Variants in SPRY3 observed in about 807,000 individuals in gnomAD.
SPRY3 encodes the protein protein sprouty homolog 3.
A neutral mutation model predicts 20.2 loss-of-function variants in SPRY3; 15 were observed. The observed-to-expected ratio is 0.74, with a 90% CI of 0.50 to 1.14. The LOEUF (loss-of-function observed/expected upper bound fraction) is 1.14, where lower values mean the gene tolerates loss of function less well. Among genes scored for constraint, SPRY3 ranks in the 50% most tolerant of loss-of-function variants. The pLI, the probability that SPRY3 is intolerant of heterozygous loss-of-function variation, is 0.00. For missense variants in SPRY3, 364 were observed against 363.9 expected, an observed-to-expected ratio of 1.00 and a Z score of 0.00; for synonymous variants, 143 against 136.5, an observed-to-expected ratio of 1.05 and a Z score of -0.33.
At chrX:155,778,794 A>G (rs2091445680), downstream of SPRY3, 1 of 167,070 alleles carries the variant, frequency 6.0e-6, no homozygotes, top group Admixed American at 6.5e-5. Flanking sequence ...AGAGAGGGAA[A>G]ATAACCTGTC....
chrX:155,756,858 GAA>G (rs954285829), intron 2 of SPRY3, among the ~76,000 whole-genome samples: 1 of 150,182 alleles, frequency 6.7e-6, no homozygotes, highest in Non-Finnish European at 1.5e-5. Context: ...CACTGAATGA[GAA>G]AAAAAAACTA....
intron 3 of SPRY3, among the ~76,000 whole-genome samples, chrX:155,773,307 GATAT>G (rs1556238552): frequency 2.4e-3 from 295 of 120,712 alleles, no homozygotes; most frequent in African/African-American, 4.6e-3. Flanking sequence ...ATTTTGATTG[GATAT>G]ATATATATAT....
chrX:155,760,586 C>A (rs1475495769), intron 2 of SPRY3, among the ~76,000 whole-genome samples: 1 of 152,010 alleles, frequency 6.6e-6, no homozygotes, highest in Non-Finnish European at 1.5e-5. Flanking sequence ...CACCAGGGAC[C>A]GGTTTTGTGG....
At chrX:155,725,855 T>G (rs1257912680) in intron 2 of SPRY3, among the ~76,000 whole-genome samples, 4 of 152,206 alleles carry the variant, frequency 2.6e-5, no homozygotes, top group Admixed American at 2.6e-4. Context: ...TCTTGCCTTC[T>G]GCTAGCATTT....
chrX:155,759,070 C>CTTT (rs769114368), intron 2 of SPRY3, among the ~76,000 whole-genome samples: 3 of 142,640 alleles, frequency 2.1e-5, no homozygotes, highest in African/African-American at 7.7e-5. Flanking sequence ...CTTATTAATT[C>CTTT]TTTTTTTTTT....
At chrX:155,705,246 T>C (rs2090942294) in intron 2 of SPRY3, among the ~76,000 whole-genome samples, 3 of 151,424 alleles carry the variant, frequency 2.0e-5, no homozygotes, top group South Asian at 2.1e-4. Flanking sequence ...GAGGGAGCAA[T>C]TGGGAATGTA....
At position 155,649,683 on chromosome X, in the gene SPRY3, G is replaced by A. The variant is rs1196326346; in HGVS notation, c.-440-7184G>A. On this transcript the variant is annotated intron_variant, in intron 1 of 3. Transcript: ENST00000675360. Reference sequence around the variant, plus strand: ...ATATCATACTAAATGGGCAAGAGCTGGAAGCATTCCCTTTGAAAATCGGCA... The same window carrying A: ...ATATCATACTAAATGGGCAAGAGCTAGAAGCATTCCCTTTGAAAATCGGCA... 4.5e-5 allele frequency among the ~76,000 whole-genome samples: 5 copies of A among 111,228 alleles called. No homozygotes were observed. In the Admixed American group the frequency reaches 4.8e-4, roughly 11 times the overall value.
At chrX:155,688,354 A>G (rs1391640563) in intron 2 of SPRY3, among the ~76,000 whole-genome samples, 1 of 110,424 alleles carries the variant, frequency 9.1e-6, no homozygotes, top group Non-Finnish European at 1.9e-5. Flanking sequence ...ATATGCATGC[A>G]TATGTCTTTA....
intron 2 of SPRY3, among the ~76,000 whole-genome samples, chrX:155,745,953 C>G (rs2091223786): frequency 6.6e-6 from 1 of 151,984 alleles, no homozygotes; most frequent in Non-Finnish European, 1.5e-5. Flanking sequence ...ACACTTGGCT[C>G]AAGTCCAAAC....
chrX:155,723,114 A>T (rs1260020847), intron 2 of SPRY3, among the ~76,000 whole-genome samples: 1 of 152,142 alleles, frequency 6.6e-6, no homozygotes, highest in Non-Finnish European at 1.5e-5. Flanking sequence ...ACATGAACTC[A>T]TCCTTTTTTA....
intron 1 of SPRY3, among the ~76,000 whole-genome samples, chrX:155,645,451 G>C (rs930814984): frequency 8.9e-6 from 1 of 111,972 alleles, no homozygotes; most frequent in East Asian, 2.8e-4. Context: ...GAGCACTTCA[G>C]CCCATGCTGG....
At chrX:155,700,025 TA>T (rs1277979385) in intron 2 of SPRY3, among the ~76,000 whole-genome samples, 1 of 103,962 alleles carries the variant, frequency 9.6e-6, no homozygotes, top group Non-Finnish European at 2.0e-5. Flanking sequence ...CCAAAGTATA[TA>T]AAAAACTTCT....
At chrX:155,618,151 C>T (rs1441108724) in intron 1 of SPRY3, among the ~76,000 whole-genome samples, 1 of 112,143 alleles carries the variant, frequency 8.9e-6, no homozygotes, top group Non-Finnish European at 1.9e-5. Context: ...CAAGCTTTCT[C>T]ATGCTGCCCC....
At chrX:155,663,231 G>T (rs781809241) in intron 2 of SPRY3, among the ~76,000 whole-genome samples, 1 of 111,763 alleles carries the variant, frequency 8.9e-6, no homozygotes, top group South Asian at 3.7e-4. Flanking sequence ...CCTTCCTAAG[G>T]GATTTAATAG....
intron 2 of SPRY3, among the ~76,000 whole-genome samples, chrX:155,736,416 T>C (rs1245681213): frequency 1.3e-5 from 2 of 151,842 alleles, no homozygotes; most frequent in Admixed American, 1.3e-4. Context: ...TATGAGAAAG[T>C]CTTTATTTCT....
At chrX:155,774,124 G>T (rs780957634) in exon 4 of SPRY3, 74 of 1,613,854 alleles carry the variant, frequency 4.6e-5, no homozygotes, top group Admixed American at 6.7e-5. Context: ...ATCTAGCATT[G>T]CCAGCTCAAT....
intron 2 of SPRY3, among the ~76,000 whole-genome samples, chrX:155,721,368 G>A (rs2091056381): frequency 6.6e-6 from 1 of 152,074 alleles, no homozygotes; most frequent in Non-Finnish European, 1.5e-5. Flanking sequence ...AGGGGTAGGG[G>A]AGGGTAGAAA....
intron 2 of SPRY3, among the ~76,000 whole-genome samples, chrX:155,723,410 G>A (rs1406121110): frequency 6.6e-6 from 1 of 152,120 alleles, no homozygotes; most frequent in Non-Finnish European, 1.5e-5. Flanking sequence ...CAGTATAAAA[G>A]CATTCCTATT....
At chrX:155,719,936 C>T (rs2091045624) in intron 2 of SPRY3, among the ~76,000 whole-genome samples, 1 of 152,014 alleles carries the variant, frequency 6.6e-6, no homozygotes, top group African/African-American at 2.4e-5. Context: ...AGGGGAGTTT[C>T]CCTTGCTCCG....
Sources: allele counts gnomAD v4.1 joint callset (sites outside exome capture counted in the v4.1 genomes callset), GRCh38; gene constraint gnomAD v4.1.1; transcripts MANE v1.5; gene names NCBI Gene and HGNC (gene_info 2026-07-23, HGNC 2026-07-21).